LAMC1: variants seen among roughly 807,000 people sequenced by gnomAD.
LAMC1 encodes the protein laminin subunit gamma-1.
LAMC1 carries 38 observed loss-of-function variants against 173.6 expected under a neutral mutation model. That is an observed-to-expected ratio of 0.22 (90% confidence interval 0.17 to 0.29). LAMC1 has a LOEUF of 0.29. Ranked by LOEUF, LAMC1 falls within the 10% of genes least tolerant of loss-of-function variation. LAMC1 has a pLI of 1.00. For missense variants in LAMC1, 1,824 were observed against 2,051.8 expected, an observed-to-expected ratio of 0.89 and a Z score of 2.14; for synonymous variants, 746 against 749.1, an observed-to-expected ratio of 1.00 and a Z score of 0.07.
chr1:183,041,423 T>A (rs1357765950), intron 1 of LAMC1, among the ~76,000 whole-genome samples: 9 of 152,236 alleles, frequency 5.9e-5, no homozygotes, highest in Admixed American at 5.9e-4. Flanking sequence ...AAGATTTTGC[T>A]AATTTCTAAT....
chr1:183,024,317 C>G (rs1416030229), intron 1 of LAMC1, among the ~76,000 whole-genome samples, 183 bp downstream of exon 1: 4 of 152,066 alleles, frequency 2.6e-5, no homozygotes, highest in African/African-American at 9.7e-5. Context: ...TTTAACATCC[C>G]GTGAGGGCCA....
intron 1 of LAMC1, among the ~76,000 whole-genome samples, chr1:183,068,104 A>G (rs77070997): frequency 4.6e-5 from 7 of 152,224 alleles, no homozygotes; most frequent in African/African-American, 1.7e-4. Flanking sequence ...GGCTAGATCA[A>G]AAGGATCTGG....
intron 1 of LAMC1, among the ~76,000 whole-genome samples, chr1:183,032,607 T>A (rs2102008143): frequency 6.6e-6 from 1 of 152,282 alleles, no homozygotes; most frequent in Non-Finnish European, 1.5e-5. Flanking sequence ...ACTGCAGCCT[T>A]GACCTCCTAG....
intron 1 of LAMC1, among the ~76,000 whole-genome samples, chr1:183,041,709 C>A (rs895531015): frequency 5.3e-5 from 8 of 152,150 alleles, no homozygotes; most frequent in Admixed American, 4.6e-4. Context: ...AGCTTAAGTT[C>A]TGGGTAAAAA....
chr1:183,107,460 A>C (rs1175001394), intron 2 of LAMC1, among the ~76,000 whole-genome samples: 1 of 152,190 alleles, frequency 6.6e-6, no homozygotes, highest in African/African-American at 2.4e-5. Flanking sequence ...GTAATGATTT[A>C]TTAGCGAGTA....
At chr1:183,118,314 C>G (rs1219251795) in intron 11 of LAMC1, among the ~76,000 whole-genome samples, 168 bp downstream of exon 11, 2 of 152,030 alleles carry the variant, frequency 1.3e-5, no homozygotes, top group African/African-American at 4.8e-5. Context: ...TAACGGCTTT[C>G]AAGGACCTGG....
At chr1:183,132,581 GGTAA>G (rs772446621) in intron 21 of LAMC1, 44 bp downstream of exon 21, 2 of 1,489,582 alleles carry the variant, frequency 1.3e-6, no homozygotes, top group Non-Finnish European at 1.9e-6. Flanking sequence ...CAGGTGTTCT[GGTAA>G]GTAACACTAG....
intron 1 of LAMC1, among the ~76,000 whole-genome samples, chr1:183,044,512 T>C (rs912164160): frequency 5.3e-4 from 80 of 152,272 alleles, no homozygotes; most frequent in African/African-American, 1.9e-3. Flanking sequence ...AAATATTCTT[T>C]GGCTCTTTTG....
intron 1 of LAMC1, among the ~76,000 whole-genome samples, chr1:183,077,666 A>T (rs1655149739): frequency 6.6e-6 from 1 of 151,182 alleles, no homozygotes; most frequent in African/African-American, 2.4e-5. Context: ...TTGGTTTTCC[A>T]TTCCTGAGTT....
chr1:183,125,384 C>T lies in LAMC1; in HGVS notation c.2648-13C>T, dbSNP rs1571457671. The T allele has an allele frequency of 3.1e-6, 5 of 1,613,650 alleles. No individual in the cohort carries two copies. The East Asian group carries it at 1.1e-4, about 36-fold the overall frequency. On this transcript the variant is annotated splice_polypyrimidine_tract_variant and intron_variant, in intron 14 of 27. Coordinates refer to ENST00000258341, the MANE Select transcript of LAMC1 (RefSeq NM_002293.4). Reference sequence around the variant, plus strand: ...GATTTGTGTCTTTTGCCATCTCTGTCTTCCTGCCTTAGCCTGCAATTGCAA... The same window carrying T: ...GATTTGTGTCTTTTGCCATCTCTGTTTTCCTGCCTTAGCCTGCAATTGCAA...
At chr1:183,034,718 A>T (rs900468025) in intron 1 of LAMC1, among the ~76,000 whole-genome samples, 18 of 152,122 alleles carry the variant, frequency 1.2e-4, no homozygotes, top group Admixed American at 1.2e-3. Flanking sequence ...GAGTTGTTTG[A>T]ATAAAGATCT....
At chr1:183,092,012 T>C (rs1326159047) in intron 1 of LAMC1, among the ~76,000 whole-genome samples, 1 of 152,204 alleles carries the variant, frequency 6.6e-6, no homozygotes, top group African/African-American at 2.4e-5. Flanking sequence ...AGTCGAATGA[T>C]AGAGGAAATT....
chr1:183,026,220 T>G (rs1653682272), intron 1 of LAMC1, among the ~76,000 whole-genome samples: 1 of 152,230 alleles, frequency 6.6e-6, no homozygotes, highest in South Asian at 2.1e-4. Flanking sequence ...TAAAGTATTT[T>G]CTTACAAGCA....
chr1:183,029,192 T>A (rs1368349507), intron 1 of LAMC1, among the ~76,000 whole-genome samples: 2 of 152,234 alleles, frequency 1.3e-5, no homozygotes, highest in Non-Finnish European at 2.9e-5. Context: ...CACCAATCGT[T>A]ACTATAATCT....
In LAMC1 at chr1:183,023,969, G is replaced by A; in HGVS notation, c.253G>A (p.Val85Ile). The A allele has an allele frequency of 6.2e-7, 1 of 1,613,258 alleles. No individual in the cohort carries two copies. Among genetic ancestry groups the A allele is most frequent in the Non-Finnish European group, 8.5e-7 (1 of 1,179,946 alleles). The stretch of plus-strand genomic sequence containing the variant: ...CTGTGTGCAGACCGGGGTGACCGGG[G>A]TCACCAAGTCCTGTCACCTGTGCGA... ...EYCVQTGVTGVTKSCHLCDAG... is the reference protein window; with the variant it reads ...EYCVQTGVTGITKSCHLCDAG... The change falls in exon 1 of 28, where the codon GTC (valine) becomes ATC (isoleucine). Residue 85 changes from valine to isoleucine, a missense_variant. Physicochemically the swap from Val to Ile is conservative, Grantham distance 29 (BLOSUM62 3). Coordinates refer to ENST00000258341, the MANE Select transcript of LAMC1 (RefSeq NM_002293.4).
intron 1 of LAMC1, among the ~76,000 whole-genome samples, chr1:183,077,776 G>GTGTGTGTGTGTGTGTGTGTATATATA: frequency 8.6e-6 from 1 of 116,522 alleles, no homozygotes; most frequent in African/African-American, 2.9e-5. Flanking sequence ...TGGCCATTGT[G>GTGTGTGTGTGTGTGTGTGTATATATA]TATATATATA....
At chr1:183,044,479 G>A (rs1654214738) in intron 1 of LAMC1, among the ~76,000 whole-genome samples, 1 of 152,090 alleles carries the variant, frequency 6.6e-6, no homozygotes, top group Admixed American at 6.5e-5. Flanking sequence ...CTGGGTACTT[G>A]ACTCGTAAAA....
intron 1 of LAMC1, among the ~76,000 whole-genome samples, chr1:183,040,288 G>A (rs1654093304): frequency 6.6e-6 from 1 of 152,124 alleles, no homozygotes; most frequent in South Asian, 2.1e-4. Context: ...TCCCTTTTAT[G>A]GTGAATAATG....
intron 1 of LAMC1, among the ~76,000 whole-genome samples, chr1:183,052,315 C>T (rs1449758253): frequency 6.6e-6 from 1 of 151,824 alleles, no homozygotes; most frequent in Non-Finnish European, 1.5e-5. Context: ...AAAGGCTAAT[C>T]TATCTATCTT....
Sources: gnomAD v4.1 joint callset for allele counts (sites outside exome capture counted in the v4.1 genomes callset) on GRCh38, gnomAD v4.1.1 for gene constraint, MANE v1.5 for transcripts, NCBI Gene and HGNC (gene_info 2026-07-23, HGNC 2026-07-21) for gene names.